Variants in KCNIP1 observed in about 807,000 individuals in gnomAD.
KCNIP1 encodes A-type potassium channel modulatory protein KCNIP1.
A neutral mutation model predicts 33.0 loss-of-function variants in KCNIP1; 18 were observed. The observed-to-expected ratio is 0.55, with a 90% CI of 0.38 to 0.81. The LOEUF (loss-of-function observed/expected upper bound fraction) is 0.81, where lower values mean the gene tolerates loss of function less well. Among genes scored for constraint, KCNIP1 ranks in the 30% least tolerant of loss-of-function variants. The pLI is 0.00. For missense variants in KCNIP1, 238 were observed against 271.6 expected (o/e 0.88, Z 0.87); for synonymous variants, 93 against 98.3 (o/e 0.95, Z 0.32).
chr5:170,708,416 T>G (rs1451111317), intron 1 of KCNIP1, among the ~76,000 whole-genome samples: 1 of 152,242 alleles, frequency 6.6e-6, no homozygotes, highest in East Asian at 1.9e-4. Context: ...AAGCACAACA[T>G]TCTGTGTTTC....
intron 1 of KCNIP1, among the ~76,000 whole-genome samples, chr5:170,407,391 T>C (rs1755063760): frequency 6.6e-6 from 1 of 152,260 alleles, no homozygotes; most frequent in South Asian, 2.1e-4. Context: ...GTAAGGGTAC[T>C]GTCTGCCTTG....
At chr5:170,623,279 T>C (rs1489924147) in intron 1 of KCNIP1, among the ~76,000 whole-genome samples, 5 of 151,612 alleles carry the variant, frequency 3.3e-5, no homozygotes, top group Non-Finnish European at 7.4e-5. Context: ...AATGGCACGA[T>C]CTCGACTCTT....
intron 1 of KCNIP1, among the ~76,000 whole-genome samples, chr5:170,427,297 C>T (rs73800667): frequency 5.9e-5 from 9 of 152,296 alleles, no homozygotes; most frequent in Non-Finnish European, 7.3e-5. Flanking sequence ...CGGCCTCCAA[C>T]GACCAGGAGA....
chr5:170,462,392 T>TAATG (rs1756525679), intron 1 of KCNIP1, among the ~76,000 whole-genome samples: 3 of 151,642 alleles, frequency 2.0e-5, no homozygotes, highest in African/African-American at 2.4e-5. Context: ...TCAACATCAC[T>TAATG]AATGATCAGG....
intron 1 of KCNIP1, among the ~76,000 whole-genome samples, chr5:170,437,934 G>A (rs1346465426): frequency 6.6e-6 from 1 of 152,188 alleles, no homozygotes; most frequent in Non-Finnish European, 1.5e-5. Flanking sequence ...AGTTGGCTCT[G>A]AGGCCAATCC....
chr5:170,570,917 C>T (rs1757383022), intron 1 of KCNIP1, among the ~76,000 whole-genome samples: 1 of 152,252 alleles, frequency 6.6e-6, no homozygotes, highest in Non-Finnish European at 1.5e-5. Flanking sequence ...CCTCAGATAA[C>T]TCCTGGAGGT....
chr5:170,492,755 C>CTATCTATTTATT (rs1554096206), intron 1 of KCNIP1, among the ~76,000 whole-genome samples: 1 of 150,346 alleles, frequency 6.7e-6, no homozygotes, highest in African/African-American at 2.5e-5. Flanking sequence ...AAATATCTAT[C>CTATCTATTTATT]TATTTATTTA....
At chr5:170,712,884 G>C in intron 1 of KCNIP1, 2 of 1,613,708 alleles carry the variant, frequency 1.2e-6, no homozygotes, top group Non-Finnish European at 1.7e-6. Context: ...CAGTATCAGA[G>C]AGGTAAAAAA....
chr5:170,723,043 G>C (rs1277202553), intron 5 of KCNIP1, among the ~76,000 whole-genome samples: 1 of 152,116 alleles, frequency 6.6e-6, no homozygotes, highest in Non-Finnish European at 1.5e-5. Flanking sequence ...TTCTCACTGG[G>C]TCACCTAGAT....
intron 1 of KCNIP1, among the ~76,000 whole-genome samples, chr5:170,690,836 A>G (rs191467871): frequency 2.8e-3 from 428 of 152,316 alleles, no homozygotes; most frequent in Non-Finnish European, 4.5e-3. Flanking sequence ...CACTCTCCCA[A>G]TCTCCCTCTT....
At chr5:170,389,780 G>C (rs59950488) in intron 1 of KCNIP1, 23 of 152,214 alleles carry the variant, frequency 1.5e-4, no homozygotes, top group Admixed American at 1.0e-3. Context: ...CCCTGCCTTT[G>C]GCACTTACGT....
intron 1 of KCNIP1, among the ~76,000 whole-genome samples, chr5:170,638,505 G>T (rs904373271): frequency 2.6e-5 from 4 of 152,160 alleles, no homozygotes; most frequent in African/African-American, 7.2e-5. Context: ...GGTCTTGACC[G>T]CAATGGAATA....
intron 1 of KCNIP1, among the ~76,000 whole-genome samples, chr5:170,446,297 AG>A (rs1185660326): frequency 1.3e-5 from 2 of 152,112 alleles, no homozygotes; most frequent in African/African-American, 4.8e-5. Context: ...CTGGGTTTGA[AG>A]GTATTGGACT....
At chr5:170,370,681 C>T (rs1763819749) in intron 1 of KCNIP1, among the ~76,000 whole-genome samples, 2 of 152,152 alleles carry the variant, frequency 1.3e-5, no homozygotes, top group African/African-American at 4.8e-5. Flanking sequence ...GTTTTTGCTC[C>T]CATCTGTCCC....
chr5:170,367,566 G>T (rs1015702820), intron 1 of KCNIP1, among the ~76,000 whole-genome samples: 16 of 152,252 alleles, frequency 1.1e-4, no homozygotes, highest in African/African-American at 3.9e-4. Context: ...GACCCTTCCA[G>T]TTGAATGTCT....
intron 1 of KCNIP1, among the ~76,000 whole-genome samples, chr5:170,693,568 T>C (rs1042855197): frequency 5.9e-5 from 9 of 152,098 alleles, no homozygotes; most frequent in Non-Finnish European, 1.3e-4. Context: ...ACTCCCTGGG[T>C]ATAGGACCCA....
chr5:170,397,060 T>C (rs1754779555), intron 1 of KCNIP1, among the ~76,000 whole-genome samples: 1 of 152,218 alleles, frequency 6.6e-6, no homozygotes, highest in Non-Finnish European at 1.5e-5. Flanking sequence ...AGTCTGTTTG[T>C]CATCTTAAGA....
chr5:170,495,651 A>G (rs1757295801), intron 1 of KCNIP1, among the ~76,000 whole-genome samples: 2 of 152,246 alleles, frequency 1.3e-5, no homozygotes, highest in African/African-American at 2.4e-5. Context: ...CCCTCCAACC[A>G]GTCACATATT....
At chr5:170,442,583 C>T (rs1243217687) in intron 1 of KCNIP1, among the ~76,000 whole-genome samples, 3 of 152,006 alleles carry the variant, frequency 2.0e-5, no homozygotes, top group African/African-American at 7.2e-5. Context: ...GCTCTGGGGA[C>T]CACGCAGGAC....
Sources: gnomAD v4.1 joint callset for allele counts (sites outside exome capture counted in the v4.1 genomes callset) on GRCh38, gnomAD v4.1.1 for gene constraint, MANE v1.5 for transcripts, NCBI Gene and HGNC (gene_info 2026-07-23, HGNC 2026-07-21) for gene names.